ADGRG6: variants seen among roughly 807,000 people sequenced by gnomAD.
ADGRG6 encodes adhesion G protein-coupled receptor G6, also known as G-protein coupled receptor 126.
ADGRG6 carries 84 observed loss-of-function variants against 142.4 expected under a neutral mutation model. The ratio of observed to expected loss-of-function variants is 0.59; its 90% CI spans 0.49 to 0.71. The LOEUF (loss-of-function observed/expected upper bound fraction) is 0.71, where lower values mean the gene tolerates loss of function less well. ADGRG6 is among the 30% of genes least tolerant of loss of function. The pLI, the probability that ADGRG6 is intolerant of heterozygous loss-of-function variation, is 0.00. For synonymous variants in ADGRG6, 521 were observed against 520.5 expected (o/e 1.00, Z -0.01); for missense variants, 1,367 against 1,466.6 (o/e 0.93, Z 1.11).
At chr6:142,369,188 C>G (rs1409305353) in intron 3 of ADGRG6, among the ~76,000 whole-genome samples, 1 of 152,092 alleles carries the variant, frequency 6.6e-6, no homozygotes, top group African/African-American at 2.4e-5. Flanking sequence ...ACTTCTTTCT[C>G]AAATTAGTTT....
At position 142,445,302 on chromosome 6, in the gene ADGRG6, G is replaced by T. The variant is rs1457763617; in HGVS notation, c.*1787G>T. 1 of 152,082 alleles carries T rather than the reference G, an allele frequency of 6.6e-6. No homozygotes were observed. The highest frequency in any genetic ancestry group is 2.4e-5 in the African/African-American group (1 of 41,418). 9.4% of individuals were successfully genotyped at this position (152,082 alleles called of 1,614,324 possible). The stretch of plus-strand genomic sequence containing the variant: ...TTCTAAGTAAGATAGTAAATCTAAG[G>T]TCACTGAGCCAAATCCTTTTCAATA... On this transcript the variant is annotated 3_prime_UTR_variant, in exon 25 of 25. Transcript: ENST00000367609.
intron 2 of ADGRG6, among the ~76,000 whole-genome samples, chr6:142,353,646 GT>G (rs1780295220): frequency 6.6e-6 from 1 of 152,030 alleles, no homozygotes; most frequent in South Asian, 2.1e-4. Context: ...TAATGGTTTT[GT>G]TTAAAAAGTT....
chr6:142,340,259 A>G (rs1265259618), intron 2 of ADGRG6, among the ~76,000 whole-genome samples: 1 of 152,176 alleles, frequency 6.6e-6, no homozygotes, highest in Non-Finnish European at 1.5e-5. Context: ...ATGCACATGT[A>G]TTCTCAAGAA....
At chr6:142,356,758 T>C (rs775981202) in intron 2 of ADGRG6, among the ~76,000 whole-genome samples, 3 of 152,118 alleles carry the variant, frequency 2.0e-5, no homozygotes, top group Non-Finnish European at 4.4e-5. Flanking sequence ...GGTCACATGG[T>C]TTGCTAATGG....
chr6:142,318,793 A>G (rs1227372084), intron 2 of ADGRG6, among the ~76,000 whole-genome samples: 1 of 152,066 alleles, frequency 6.6e-6, no homozygotes, highest in East Asian at 1.9e-4. Flanking sequence ...CATATTTCTC[A>G]TTACTAGAAT....
At chr6:142,391,261 G>A (rs1384035423) in intron 7 of ADGRG6, among the ~76,000 whole-genome samples, 1 of 151,290 alleles carries the variant, frequency 6.6e-6, no homozygotes. Context: ...ACAGCATACT[G>A]TGAGACTTTG....
chr6:142,427,891 C>A (rs182439404), intron 22 of ADGRG6, among the ~76,000 whole-genome samples: 21 of 152,246 alleles, frequency 1.4e-4, no homozygotes, highest in Middle Eastern at 6.8e-3. Context: ...CCAGGAAAAA[C>A]CTGCACCCAT....
In ADGRG6 at chr6:142,393,874, A is replaced by G. The variant is rs189355499; in HGVS notation, c.1362-22A>G. ...TGTAGTTGGTGAGGTGGATTAATGA[A>G]TATATGTATTTGTGTTTTTAGTTTT... On this transcript the variant is annotated intron_variant, in intron 8 of 24. Coordinates refer to ENST00000367609, the MANE Select transcript of ADGRG6 (RefSeq NM_198569.3). 6.9e-6 allele frequency: 10 copies of G among 1,445,312 alleles called. No homozygotes were observed. The African/African-American group carries it at 1.3e-4, about 18-fold the overall frequency. The allele number at this position is 1,445,312 out of a possible 1,614,324, so 89.5% of individuals were successfully genotyped here. A position where few individuals can be genotyped will look rare whatever the true frequency, so the allele number is the denominator to read the frequency against.
At chr6:142,354,071 G>C (rs146716463) in intron 2 of ADGRG6, among the ~76,000 whole-genome samples, 1 of 152,272 alleles carries the variant, frequency 6.6e-6, no homozygotes, top group African/African-American at 2.4e-5. Flanking sequence ...ACTTAGACTT[G>C]TGTCCAAAAT....
At chr6:142,370,973 C>T (rs1434480096) in intron 4 of ADGRG6, 180 bp downstream of exon 4, 4 of 622,842 alleles carry the variant, frequency 6.4e-6, no homozygotes, top group East Asian at 5.8e-5. Flanking sequence ...GTCTGCTCAG[C>T]TCTTATAGCA....
chr6:142,378,811 A>T (rs6903424), intron 4 of ADGRG6, among the ~76,000 whole-genome samples: 1 of 152,104 alleles, frequency 6.6e-6, no homozygotes, highest in East Asian at 1.9e-4. Flanking sequence ...CATTCTTTAT[A>T]ATTCTTGGCC....
intron 22 of ADGRG6, among the ~76,000 whole-genome samples, chr6:142,432,847 C>A (rs532847523): frequency 6.6e-6 from 1 of 152,104 alleles, no homozygotes; most frequent in Non-Finnish European, 1.5e-5. Context: ...CCAGACACAA[C>A]CTCTGAATGT....
At chr6:142,418,019 G>T (rs1170933375) in intron 21 of ADGRG6, among the ~76,000 whole-genome samples, 1 of 152,066 alleles carries the variant, frequency 6.6e-6, no homozygotes, top group Admixed American at 6.6e-5. Context: ...CATCGGCTGG[G>T]CGCAGTGGCT....
At chr6:142,362,059 G>C (rs1780750668) in intron 2 of ADGRG6, among the ~76,000 whole-genome samples, 1 of 152,124 alleles carries the variant, frequency 6.6e-6, no homozygotes, top group Non-Finnish European at 1.5e-5. Flanking sequence ...CATGATTATG[G>C]AAAGACAGAA....
rs1190315630 is a variant in ADGRG6, at chr6:142,370,162, T to C, written c.446-8T>C. ...CAGGTTTATCTTTCTTGTTATGTTT[T>C]GTCCTAGTTGCCGTGTCCTTAAGGA... On this transcript the variant is annotated splice_polypyrimidine_tract_variant and splice_region_variant and intron_variant, in intron 3 of 24. Coordinates refer to ENST00000367609, the MANE Select transcript of ADGRG6 (RefSeq NM_198569.3). The C allele has an allele frequency of 6.3e-7, 1 of 1,585,460 alleles. No individual in the cohort carries two copies. The highest frequency in any genetic ancestry group is 2.3e-5 in the East Asian group (1 of 44,252).
At chr6:142,318,206 A>AT (rs1221644558) in intron 2 of ADGRG6, among the ~76,000 whole-genome samples, 9 of 60,256 alleles carry the variant, frequency 1.5e-4, no homozygotes, top group Admixed American at 6.1e-4. Context: ...TATATTATAT[A>AT]TATTTATATA....
intron 2 of ADGRG6, among the ~76,000 whole-genome samples, chr6:142,317,758 TATATATATTTATATC>T (rs1165471520): frequency 1.5e-4 from 15 of 100,164 alleles, no homozygotes; most frequent in Non-Finnish European, 2.4e-4. Context: ...ATATTTATAT[TATATATATTTATATC>T]ATATATATTT....
intron 16 of ADGRG6, 114 bp downstream of exon 16, chr6:142,408,383 C>A: frequency 3.0e-6 from 2 of 660,010 alleles, no homozygotes; most frequent in Admixed American, 3.1e-5. Context: ...GGAGTAGGGC[C>A]CAGTTTTCTA....
intron 2 of ADGRG6, among the ~76,000 whole-genome samples, chr6:142,315,175 G>A (rs1046197447): frequency 6.6e-5 from 10 of 152,080 alleles, no homozygotes. Flanking sequence ...GTTTAATGGG[G>A]ACATACCAAC....
Sources: gnomAD v4.1 joint callset for allele counts (sites outside exome capture counted in the v4.1 genomes callset) on GRCh38, gnomAD v4.1.1 for gene constraint, MANE v1.5 for transcripts, NCBI Gene and HGNC (gene_info 2026-07-23, HGNC 2026-07-21) for gene names.